ADPRH: variants seen among roughly 807,000 people sequenced by gnomAD.
The protein encoded by ADPRH is ADP-ribosylarginine hydrolase, also known as ADP-ribose-L-arginine cleaving enzyme.
In ADPRH, 27 loss-of-function variants were observed where a neutral mutation model predicts 28.8. That is an observed-to-expected ratio of 0.94 (90% CI 0.69 to 1.29). ADPRH has a LOEUF of 1.29. Among genes scored for constraint, ADPRH ranks in the 50% most tolerant of loss-of-function variants. The probability of loss-of-function intolerance (pLI) is 0.00; values close to 1 mark genes in which losing one functional copy is unlikely to be tolerated. For missense variants in ADPRH, 419 were observed against 444.8 expected (o/e 0.94, Z 0.52); for synonymous variants, 161 against 166.9 (o/e 0.96, Z 0.27).
At chr3:119,582,095 T>C (rs918289468) in intron 2 of ADPRH, 39 bp from the exon 3 acceptor site, 22 of 1,352,350 alleles carry the variant, frequency 1.6e-5, no homozygotes, top group Non-Finnish European at 4.1e-6. Flanking sequence ...TTCTTCTTGC[T>C]CCTCATCCTA....
rs887307755 is a variant in ADPRH at position 119,589,008 on chromosome 3, CCTTT to C, written c.*1134_*1137del. 1 of 142,208 alleles carries C rather than the reference CCTTT, an allele frequency of 7.0e-6. No homozygotes were observed. Among genetic ancestry groups the C allele is most frequent in the Non-Finnish European group, 1.5e-5 (1 of 68,004 alleles). 8.8% of individuals were successfully genotyped at this position (142,208 alleles called of 1,614,324 possible). A position where few individuals can be genotyped will look rare whatever the true frequency, so the allele number is the denominator to read the frequency against. On this transcript the variant is annotated 3_prime_UTR_variant, in exon 5 of 5. Transcript: ENST00000357003. ...TAATCATGTTCCAATGAATACATCA[CCTTT>C]CTTCATTTCTTGATGCTCTTCCCAA...
intron 3 of ADPRH, among the ~76,000 whole-genome samples, chr3:119,582,993 G>A (rs1364440559): frequency 6.6e-6 from 1 of 152,116 alleles, no homozygotes; most frequent in African/African-American, 2.4e-5. Context: ...AACCAACCCC[G>A]TCCATGGAAA....
intron 3 of ADPRH, among the ~76,000 whole-genome samples, chr3:119,584,432 G>A (rs2082439316): frequency 6.6e-6 from 1 of 151,944 alleles, no homozygotes; most frequent in Non-Finnish European, 1.5e-5. Flanking sequence ...GTGTGATGGT[G>A]CACACCTGTA....
rs1396901641 is a variant in ADPRH at position 119,589,866 on chromosome 3, G to A, written c.*1988G>A. 1.3e-5 allele frequency: 2 copies of A among 152,276 alleles called. No individual in the cohort carries two copies. Among genetic ancestry groups the A allele is most frequent in the East Asian group, 3.9e-4 (2 of 5,178 alleles). The allele number at this position is 152,276 out of a possible 1,614,324, so 9.4% of individuals were successfully genotyped here. ...AGAGAGAGAGAGAGAGAGAAGGGAG[G>A]ATGAGAACGAATGGGGGGAAGAGAT... is the stretch of plus-strand genomic sequence containing the variant. On this transcript the variant is annotated 3_prime_UTR_variant, in exon 5 of 5. Coordinates refer to ENST00000357003, the MANE Select transcript of ADPRH (RefSeq NM_001125.4).
chr3:119,581,416 T>C (rs2082404208), intron 2 of ADPRH, among the ~76,000 whole-genome samples: 2 of 152,016 alleles, frequency 1.3e-5, no homozygotes, highest in South Asian at 4.2e-4. Context: ...ATCCAGGAGG[T>C]TGTTACTTTT....
At chr3:119,582,618 T>A in intron 3 of ADPRH, 151 bp downstream of exon 3, 4 of 975,146 alleles carry the variant, frequency 4.1e-6, no homozygotes, top group Non-Finnish European at 5.9e-6. Flanking sequence ...TGGTGGCTCA[T>A]ACCTGTAATT....
chr3:119,582,744 A>T (rs2082419526), intron 3 of ADPRH, among the ~76,000 whole-genome samples: 1 of 152,152 alleles, frequency 6.6e-6, no homozygotes, highest in Admixed American at 6.5e-5. Flanking sequence ...CCTCTTCTAG[A>T]GACAGGTACT....
chr3:119,582,807 G>A (rs951573145), intron 3 of ADPRH, among the ~76,000 whole-genome samples: 1 of 152,224 alleles, frequency 6.6e-6, no homozygotes, highest in African/African-American at 2.4e-5. Context: ...AGTGATGGGC[G>A]AAGGAGCATC....
intron 3 of ADPRH, among the ~76,000 whole-genome samples, chr3:119,586,068 G>A (rs2082455704): frequency 6.6e-6 from 1 of 152,204 alleles, no homozygotes. Context: ...ATCCCTATAT[G>A]AGTCTGCTGC....
At chr3:119,586,878 G>A (rs1410590986) in intron 4 of ADPRH, among the ~76,000 whole-genome samples, 2 of 152,136 alleles carry the variant, frequency 1.3e-5, no homozygotes, top group Admixed American at 6.5e-5. Context: ...CCTCTTACAC[G>A]GAATCCTGTC....
intron 2 of ADPRH, among the ~76,000 whole-genome samples, chr3:119,581,450 T>C (rs1272584966): frequency 2.0e-5 from 3 of 152,196 alleles, no homozygotes; most frequent in African/African-American, 7.2e-5. Flanking sequence ...ATTTTATAAA[T>C]GTGGAGGCTG....
intron 3 of ADPRH, among the ~76,000 whole-genome samples, chr3:119,582,928 A>G (rs917196523): frequency 3.3e-5 from 5 of 152,212 alleles, no homozygotes; most frequent in Non-Finnish European, 7.3e-5. Context: ...GCTTCTTATG[A>G]GAATCTAATG....
rs1444145370 is a variant in ADPRH, at chr3:119,586,404, C to T, written c.418C>T (p.Leu140Phe). Residue 140 changes from leucine (L) to phenylalanine (F), a missense_variant, in exon 4 of 5, where the codon CTC becomes TTC. Transcript: ENST00000357003. ...TGCCATGCGGGCCATGTGCATCGGT[C>T]TCAGGTTCCCACACCATAGCCAACT... ...GAAMRAMCIG[L>F]RFPHHSQLDT... The T allele has an allele frequency of 1.9e-6, 3 of 1,614,232 alleles. No homozygotes were observed. The South Asian group carries it at 3.3e-5, about 18-fold the overall frequency.
chr3:119,587,154 C>G (rs2082469728), intron 4 of ADPRH, among the ~76,000 whole-genome samples: 2 of 152,196 alleles, frequency 1.3e-5, no homozygotes, highest in African/African-American at 4.8e-5. Flanking sequence ...TTGAAGTTCC[C>G]CTTTAAAAGG....
chr3:119,579,969 C>T (rs1326575094), intron 1 of ADPRH, 118 bp downstream of exon 1: 1 of 152,324 alleles, frequency 6.6e-6, no homozygotes, highest in Non-Finnish European at 1.5e-5. Context: ...TCAACCGCCC[C>T]GTTTCTTTCC....
rs1336309484 is a variant in ADPRH at position 119,588,783 on chromosome 3, T to G, written c.*905T>G. 1 of 152,246 alleles carries G rather than the reference T, an allele frequency of 6.6e-6. No homozygotes were observed. Among genetic ancestry groups the G allele is most frequent in the Admixed American group, 6.5e-5 (1 of 15,280 alleles). 9.4% of individuals were successfully genotyped at this position (152,246 alleles called of 1,614,324 possible). Reference sequence around the variant, plus strand: ...GCTGCTCTCAGTACTCTCCTCATCATGGCAGTTAACACATTACCAATTTTG... The same window carrying G: ...GCTGCTCTCAGTACTCTCCTCATCAGGGCAGTTAACACATTACCAATTTTG... On this transcript the variant is annotated 3_prime_UTR_variant, in exon 5 of 5. Transcript: ENST00000357003.
chr3:119,583,823 G>T (rs1411352256), intron 3 of ADPRH, among the ~76,000 whole-genome samples: 2 of 152,078 alleles, frequency 1.3e-5, no homozygotes, highest in African/African-American at 4.8e-5. Context: ...TGTTGCCCAG[G>T]CTGGAGTGCA....
rs1203313545 is a variant in ADPRH, at chr3:119,580,493, C to A, written c.-122-58C>A. The A allele has an allele frequency of 2.0e-5, 3 of 152,188 alleles. No individual in the cohort carries two copies. In the East Asian group the frequency reaches 5.8e-4, roughly 29 times the overall value. The allele number at this position is 152,188 out of a possible 1,614,324, so 9.4% of individuals were successfully genotyped here. A position where few individuals can be genotyped will look rare whatever the true frequency, so the allele number is the denominator to read the frequency against. On this transcript the variant is annotated intron_variant, in intron 1 of 4. Coordinates refer to ENST00000357003, the MANE Select transcript of ADPRH (RefSeq NM_001125.4). ...ATCCTTTGTGAGCTCAGAAACTCAG[C>A]ATTACCAGTAACTGGGTAGTGGAAC...
At position 119,587,625 on chromosome 3, in the gene ADPRH, C is replaced by A. The variant is rs1317410209; in HGVS notation, c.821C>A (p.Ala274Asp). 5.0e-6 allele frequency: 8 copies of A among 1,614,158 alleles called. No individual in the cohort carries two copies. The highest frequency in any genetic ancestry group is 6.8e-6 in the Non-Finnish European group (8 of 1,179,998). The change falls in exon 5 of 5, where the codon GCC becomes GAC. Residue 274 changes from alanine (A) to aspartate (D), a missense_variant. Coordinates refer to ENST00000357003, the MANE Select transcript of ADPRH (RefSeq NM_001125.4). Reference sequence around the variant, plus strand: ...TGGGGTGGCAGCAGTGGGCACGATGCCCCCATGATTGCCTACGATGCTGTT... The same window carrying A: ...TGGGGTGGCAGCAGTGGGCACGATGACCCCATGATTGCCTACGATGCTGTT... The part of the protein sequence containing the change: ...SGWGGSSGHD[A>D]PMIAYDAVLA...
Sources: allele counts gnomAD v4.1 joint callset (sites outside exome capture counted in the v4.1 genomes callset), GRCh38; gene constraint gnomAD v4.1.1; transcripts MANE v1.5; gene names NCBI Gene and HGNC (gene_info 2026-07-23, HGNC 2026-07-21).